Variants in SERPINB8 observed in about 807,000 individuals in gnomAD.
SERPINB8 encodes serpin B8.
A neutral mutation model predicts 35.3 loss-of-function variants in SERPINB8; 25 were observed. That is an observed-to-expected ratio of 0.71 (90% CI 0.52 to 0.99). The LOEUF is 0.99. Among genes scored for constraint, SERPINB8 ranks in the 50% least tolerant of loss-of-function variants. SERPINB8 has a pLI of 0.00. For synonymous variants in SERPINB8, 186 were observed against 160.8 expected (o/e 1.16, Z -1.19); for missense variants, 484 against 446.5 (o/e 1.08, Z -0.76).
At chr18:63,980,002 A>G in intron 3 of SERPINB8, 64 bp downstream of exon 3, 1 of 1,511,338 alleles carries the variant, frequency 6.6e-7, no homozygotes, top group Non-Finnish European at 9.2e-7. Context: ...AGAAGAGCAG[A>G]TAATAAAGTA....
Position 63,972,111 on chromosome 18 carries a change from A to T in SERPINB8, c.-11+1941A>T, listed in dbSNP as rs188277668. On this transcript the variant is annotated intron_variant, in intron 1 of 6. Coordinates refer to ENST00000397985, the MANE Select transcript of SERPINB8 (RefSeq NM_002640.4). The stretch of plus-strand genomic sequence containing the variant: ...AGAACAGCAGTACAACCCATCACCC[A>T]GTTTAATAACTGGAATATTGTCATC... Among the ~76,000 whole-genome samples the T allele has an allele frequency of 2.6e-5, 4 of 152,120 alleles. No homozygotes were observed. In the South Asian group the frequency reaches 6.2e-4, roughly 24 times the overall value.
In SERPINB8 at chr18:64,016,137, TG is replaced by T. The variant is rs373441708; in HGVS notation, c.*3-2772del. Among the ~76,000 whole-genome samples, 33 of 152,342 alleles carry T rather than the reference TG, an allele frequency of 2.2e-4. No individual in the cohort carries two copies. The South Asian group carries it at 5.8e-3, about 27-fold the overall frequency. On this transcript the variant is annotated intron_variant, in intron 7 of 7. Transcript: ENST00000636430. ...TGGGCCTGAGGGCTGAGGGGAGAGC[TG>T]ACCCAGTATCCCTTTCTGAGAAGCA...
intron 1 of SERPINB8, among the ~76,000 whole-genome samples, chr18:64,000,910 A>G (rs187786020): frequency 4.5e-4 from 68 of 152,276 alleles, no homozygotes; most frequent in Non-Finnish European, 3.2e-4. Context: ...TCATGGTTAC[A>G]TTTGGTTTTA....
intron 7 of SERPINB8, among the ~76,000 whole-genome samples, chr18:64,012,337 T>C (rs2050929550): frequency 6.6e-6 from 1 of 152,174 alleles, no homozygotes; most frequent in African/African-American, 2.4e-5. Flanking sequence ...TGGTACAATT[T>C]ATTTAATTAT....
intron 7 of SERPINB8, among the ~76,000 whole-genome samples, chr18:64,014,529 G>A (rs2050940838): frequency 6.6e-6 from 1 of 152,088 alleles, no homozygotes; most frequent in South Asian, 2.1e-4. Context: ...AGAGAGTGTG[G>A]GCTGAGCATC....
intron 6 of SERPINB8, chr18:63,986,666 C>T: frequency 1.5e-6 from 2 of 1,350,330 alleles, no homozygotes; most frequent in Non-Finnish European, 9.5e-7. Flanking sequence ...TGTTTACTAG[C>T]TCTTTTACAC....
chr18:63,987,096 C>G lies in SERPINB8; in HGVS notation c.943C>G (p.His315Asp). 1 of 1,614,158 alleles carries G rather than the reference C, an allele frequency of 6.2e-7. No individual in the cohort carries two copies. Among genetic ancestry groups the G allele is most frequent in the Non-Finnish European group, 8.5e-7 (1 of 1,180,036 alleles). Residue 315 changes from histidine to aspartate, a missense_variant, in exon 7 of 7, where the codon CAC becomes GAC. Physicochemically the swap from His to Asp is moderately conservative, Grantham distance 81 (BLOSUM62 -1). Transcript: ENST00000397985. ...GAATGTGCCTCTGTCCAAGGTTGCCCACAAGTGCTTCGTGGAGGTCAATGA... is the reference window on the plus strand; with the variant it reads ...GAATGTGCCTCTGTCCAAGGTTGCCGACAAGTGCTTCGTGGAGGTCAATGA... The part of the protein sequence containing the change: ...EKNVPLSKVA[H>D]KCFVEVNEEG...
Position 63,985,169 on chromosome 18 carries a change from T to C in SERPINB8, c.644T>C (p.Val215Ala). The stretch of plus-strand genomic sequence containing the variant: ...TATGCGGATGAGGTACACACCCAGG[T>C]CCTGGAGCTGCCCTATGTGGAAGAG... ...MGYADEVHTQ[V>A]LELPYVEEEL... Residue 215 changes from valine (V) to alanine (A), a missense_variant, in exon 6 of 7, where the codon GTC becomes GCC. Coordinates refer to ENST00000397985, the MANE Select transcript of SERPINB8 (RefSeq NM_002640.4). 1 of 1,614,178 alleles carries C rather than the reference T, an allele frequency of 6.2e-7. No homozygotes were observed. The highest frequency in any genetic ancestry group is 1.1e-5 in the South Asian group (1 of 91,084).
intron 4 of SERPINB8, among the ~76,000 whole-genome samples, chr18:63,982,695 C>T (rs1446205569): frequency 6.6e-6 from 1 of 152,184 alleles, no homozygotes; most frequent in Non-Finnish European, 1.5e-5. Context: ...AGTTGTTCAA[C>T]AGTACTGTCA....
intron 7 of SERPINB8, among the ~76,000 whole-genome samples, chr18:64,011,743 G>A (rs571596941): frequency 6.6e-6 from 1 of 152,198 alleles, no homozygotes; most frequent in Admixed American, 6.5e-5. Flanking sequence ...TTGATATTAG[G>A]GAAGCAAATA....
intron 1 of SERPINB8, among the ~76,000 whole-genome samples, chr18:64,002,130 C>T (rs1337502911): frequency 6.6e-6 from 1 of 152,090 alleles, no homozygotes; most frequent in Non-Finnish European, 1.5e-5. Context: ...GTAGCAGTGT[C>T]CCCAGCCACT....
At chr18:63,986,148 C>T (rs1337098321) in intron 6 of SERPINB8, 17 of 927,528 alleles carry the variant, frequency 1.8e-5, no homozygotes, top group Non-Finnish European at 1.7e-6. Flanking sequence ...AAAATCAAAA[C>T]AATGCTCGTT....
In SERPINB8 at chr18:63,987,048, T is replaced by G; in HGVS notation, c.895T>G (p.Phe299Val). 3 of 1,614,206 alleles carry G rather than the reference T, an allele frequency of 1.9e-6. No individual in the cohort carries two copies. In the South Asian group the frequency reaches 3.3e-5, roughly 18 times the overall value. ...TGCTTTTGACGAAGCCAAGGCAGACTTTTCTGGAATGTCAACTGAGAAGAA... is the reference window on the plus strand; with the variant it reads ...TGCTTTTGACGAAGCCAAGGCAGACGTTTCTGGAATGTCAACTGAGAAGAA... ...IDAFDEAKAD[F>V]SGMSTEKNVP... is the part of the protein sequence containing the mutation. The change falls in exon 7 of 7, where the codon TTT becomes GTT. Residue 299 changes from phenylalanine (F) to valine (V), a missense_variant. Physicochemically the swap from Phe to Val is conservative, Grantham distance 50. Transcript: ENST00000397985.
chr18:63,971,520 T>A (rs536320640), intron 1 of SERPINB8, among the ~76,000 whole-genome samples: 1 of 152,320 alleles, frequency 6.6e-6, no homozygotes, highest in East Asian at 1.9e-4. Context: ...TGAGTATGAA[T>A]TTATAACAGC....
chr18:63,983,700 A>G lies in SERPINB8; in HGVS notation c.546A>G (p.Gly182=). The change falls in exon 5 of 7, where the codon GGA becomes GGG. Residue 182 remains glycine, a synonymous_variant. Coordinates refer to ENST00000397985, the MANE Select transcript of SERPINB8 (RefSeq NM_002640.4). ...AATTTGACAGAAAGTACACAAGGGGAATGCTCTTTAAAACCAACGAGGTAG... is the reference window on the plus strand; with the variant it reads ...AATTTGACAGAAAGTACACAAGGGGGATGCTCTTTAAAACCAACGAGGTAG... The part of the protein sequence containing the change: ...NEQFDRKYTR[G]MLFKTNEEKK... The G allele has an allele frequency of 6.2e-7, 1 of 1,613,938 alleles. No homozygotes were observed. The highest frequency in any genetic ancestry group is 8.5e-7 in the Non-Finnish European group (1 of 1,179,804).
chr18:64,013,875 A>G (rs1568083636), intron 7 of SERPINB8, among the ~76,000 whole-genome samples: 1 of 152,222 alleles, frequency 6.6e-6, no homozygotes, highest in Non-Finnish European at 1.5e-5. Flanking sequence ...CAGAGTTATG[A>G]AACAGAAGGG....
chr18:63,975,025 A>G (rs1015176119), intron 1 of SERPINB8, among the ~76,000 whole-genome samples: 1 of 152,134 alleles, frequency 6.6e-6, no homozygotes, highest in Non-Finnish European at 1.5e-5. Context: ...GTTAAAATGT[A>G]AAGATGAGAT....
At chr18:63,984,999 T>C in intron 5 of SERPINB8, 94 bp from the exon 6 acceptor site, 1 of 1,240,466 alleles carries the variant, frequency 8.1e-7, no homozygotes, top group African/African-American at 1.5e-5. Flanking sequence ...GAAACAGTAA[T>C]TATACACACC....
At chr18:64,009,654 C>T (rs1304808954), downstream of SERPINB8, among the ~76,000 whole-genome samples, 2 of 152,140 alleles carry the variant, frequency 1.3e-5, no homozygotes, top group Non-Finnish European at 1.5e-5. Context: ...AAGATGAAAA[C>T]CAAAGAATTG....
Sources: gnomAD v4.1 joint callset for allele counts (sites outside exome capture counted in the v4.1 genomes callset) on GRCh38, gnomAD v4.1.1 for gene constraint, MANE v1.5 for transcripts, NCBI Gene and HGNC (gene_info 2026-07-23, HGNC 2026-07-21) for gene names.